ZFPM2: variants seen among roughly 807,000 people sequenced by gnomAD.
ZFPM2 encodes zinc finger protein ZFPM2.
A neutral mutation model predicts 98.6 loss-of-function variants in ZFPM2; 20 were observed. The ratio of observed to expected loss-of-function variants is 0.20; its 90% CI spans 0.14 to 0.29. The LOEUF (loss-of-function observed/expected upper bound fraction) is 0.29. Ranked by LOEUF, ZFPM2 falls within the 10% of genes least tolerant of loss-of-function variation. The probability of loss-of-function intolerance (pLI) is 1.00; values close to 1 mark genes in which losing one functional copy is unlikely to be tolerated. For synonymous variants in ZFPM2, 518 were observed against 502.7 expected, an observed-to-expected ratio of 1.03 and a Z score of -0.41; for missense variants, 1,310 against 1,388.6, an observed-to-expected ratio of 0.94 and a Z score of 0.90.
At chr8:105,551,997 G>A (rs112684120) in intron 3 of ZFPM2, among the ~76,000 whole-genome samples, 21 of 152,120 alleles carry the variant, frequency 1.4e-4, no homozygotes, top group Non-Finnish European at 7.4e-5. Context: ...AGCAGCCTAT[G>A]AAAAGCAGGC....
intron 3 of ZFPM2, among the ~76,000 whole-genome samples, chr8:105,540,680 G>A (rs574725822): frequency 9.2e-5 from 14 of 152,118 alleles, no homozygotes; most frequent in South Asian, 2.1e-4. Context: ...ACGTATTTTC[G>A]TGTTTAAGTG....
At chr8:105,380,535 C>T (rs1810826184) in intron 1 of ZFPM2, among the ~76,000 whole-genome samples, 1 of 134,242 alleles carries the variant, frequency 7.4e-6, no homozygotes, top group Non-Finnish European at 1.5e-5. Flanking sequence ...CACCCGAACT[C>T]AGCCAAAGAC....
At chr8:105,687,783 T>C (rs755179760) in intron 5 of ZFPM2, among the ~76,000 whole-genome samples, 31 of 152,018 alleles carry the variant, frequency 2.0e-4, no homozygotes, top group Non-Finnish European at 4.4e-4. Flanking sequence ...TCATGTTCAA[T>C]TAGAAAACTT....
At chr8:105,677,428 C>T (rs570534940) in intron 5 of ZFPM2, among the ~76,000 whole-genome samples, 26 of 152,112 alleles carry the variant, frequency 1.7e-4, no homozygotes, top group Non-Finnish European at 3.4e-4. Context: ...AGAGTCCACA[C>T]TCTTAAATCC....
chr8:105,565,284 A>C (rs1263776236), intron 4 of ZFPM2, among the ~76,000 whole-genome samples: 1 of 152,158 alleles, frequency 6.6e-6, no homozygotes, highest in Non-Finnish European at 1.5e-5. Flanking sequence ...GTTTGACAAA[A>C]AGTTGTTCTT....
chr8:105,796,228 T>A (rs979443840), intron 6 of ZFPM2, among the ~76,000 whole-genome samples: 1 of 143,068 alleles, frequency 7.0e-6, no homozygotes, highest in African/African-American at 2.9e-5. Flanking sequence ...CAACCTGAAT[T>A]TGAGGCAAAA....
At chr8:105,644,034 A>G (rs534319784) in intron 5 of ZFPM2, among the ~76,000 whole-genome samples, 2 of 152,276 alleles carry the variant, frequency 1.3e-5, no homozygotes, top group East Asian at 3.9e-4. Context: ...TAGTTTGTAA[A>G]ACCTAAAATA....
intron 3 of ZFPM2, among the ~76,000 whole-genome samples, chr8:105,519,555 A>G (rs758846913): frequency 4.6e-5 from 7 of 152,258 alleles, no homozygotes; most frequent in South Asian, 2.1e-4. Context: ...CTGGATTTTC[A>G]TATACTTGTT....
chr8:105,427,894 C>G (rs1811946685), intron 2 of ZFPM2, among the ~76,000 whole-genome samples: 1 of 152,148 alleles, frequency 6.6e-6, no homozygotes, highest in African/African-American at 2.4e-5. Context: ...ATGGTAATAA[C>G]AACGTCCATT....
chr8:105,404,814 GAT>G (rs1219231863), intron 1 of ZFPM2, among the ~76,000 whole-genome samples: 1 of 152,008 alleles, frequency 6.6e-6, no homozygotes, highest in African/African-American at 2.4e-5. Context: ...AAAAACATCA[GAT>G]ATACCTGCCC....
intron 4 of ZFPM2, among the ~76,000 whole-genome samples, chr8:105,588,912 T>G (rs1815784293): frequency 6.6e-6 from 1 of 152,196 alleles, no homozygotes; most frequent in South Asian, 2.1e-4. Flanking sequence ...ATTGAGCTGT[T>G]GAGAAGATGG....
intron 1 of ZFPM2, among the ~76,000 whole-genome samples, chr8:105,369,921 G>A (rs1810586041): frequency 6.6e-6 from 1 of 152,048 alleles, no homozygotes; most frequent in Non-Finnish European, 1.5e-5. Context: ...ATAGTAGTAT[G>A]TATCTATGTG....
chr8:105,466,562 T>C (rs1812799409), intron 3 of ZFPM2, among the ~76,000 whole-genome samples: 1 of 152,068 alleles, frequency 6.6e-6, no homozygotes, highest in Non-Finnish European at 1.5e-5. Context: ...AACATACTTT[T>C]CGTTGTTATT....
chr8:105,452,515 C>T (rs115967270), intron 3 of ZFPM2, among the ~76,000 whole-genome samples: 2,487 of 151,798 alleles, frequency 0.016, 64 homozygotes, highest in African/African-American at 0.056. Context: ...TGGGATGCCT[C>T]GGTGGGAGGA....
At chr8:105,594,098 G>A (rs147731609) in intron 4 of ZFPM2, among the ~76,000 whole-genome samples, 41 of 152,168 alleles carry the variant, frequency 2.7e-4, no homozygotes, top group East Asian at 9.7e-4. Context: ...TACCTTGTTC[G>A]TTGACAAAGA....
At chr8:105,590,561 G>T (rs1233422392) in intron 4 of ZFPM2, among the ~76,000 whole-genome samples, 5 of 152,160 alleles carry the variant, frequency 3.3e-5, no homozygotes, top group African/African-American at 1.2e-4. Context: ...CATAGATAAA[G>T]GTGTTTTTGA....
intron 1 of ZFPM2, among the ~76,000 whole-genome samples, chr8:105,357,596 C>G (rs1812772645): frequency 6.6e-6 from 1 of 151,396 alleles, no homozygotes; most frequent in Non-Finnish European, 1.5e-5. Flanking sequence ...TTATAACAAA[C>G]TTTTTTTTTC....
At chr8:105,509,730 T>A (rs1313374427) in intron 3 of ZFPM2, among the ~76,000 whole-genome samples, 1 of 152,180 alleles carries the variant, frequency 6.6e-6, no homozygotes, top group Non-Finnish European at 1.5e-5. Context: ...CCTCACTTTT[T>A]ATCATTTTTT....
At chr8:105,470,603 C>T (rs1219836684) in intron 3 of ZFPM2, among the ~76,000 whole-genome samples, 1 of 152,026 alleles carries the variant, frequency 6.6e-6, no homozygotes, top group Non-Finnish European at 1.5e-5. Context: ...AATGGCGAAA[C>T]CTTGTCTCTA....
Sources: allele counts gnomAD v4.1 joint callset (sites outside exome capture counted in the v4.1 genomes callset), GRCh38; gene constraint gnomAD v4.1.1; transcripts MANE v1.5; gene names NCBI Gene and HGNC (gene_info 2026-07-23, HGNC 2026-07-21).